Variants in POC1B observed in about 807,000 individuals in gnomAD.
POC1B encodes the protein POC1 centriolar protein B.
POC1B carries 44 observed loss-of-function variants against 60.6 expected under a neutral mutation model. The ratio of observed to expected loss-of-function variants is 0.73; its 90% CI spans 0.57 to 0.93. POC1B has a LOEUF of 0.93. Among genes scored for constraint, POC1B ranks in the 40% least tolerant of loss-of-function variants. The probability of loss-of-function intolerance (pLI) is 0.00; values close to 1 mark genes in which losing one functional copy is unlikely to be tolerated. For missense variants in POC1B, 555 were observed against 572.3 expected, an observed-to-expected ratio of 0.97 and a Z score of 0.31; for synonymous variants, 180 against 198.9, an observed-to-expected ratio of 0.90 and a Z score of 0.80.
At chr12:89,417,337 C>A (rs139688839), downstream of POC1B, among the ~76,000 whole-genome samples, 1 of 152,294 alleles carries the variant, frequency 6.6e-6, no homozygotes, top group African/African-American at 2.4e-5. Flanking sequence ...CAACTAATCT[C>A]CACCTAGAGA....
At chr12:89,407,089 C>A in the POC1B span, among the ~76,000 whole-genome samples, 8 of 123,866 alleles carry the variant, frequency 6.5e-5, no homozygotes, top group East Asian at 1.6e-3. Flanking sequence ...GTGGAGGTTG[C>A]AGTGAGCAGA....
chr12:89,525,072 C>T lies in POC1B; in HGVS notation c.100+48G>A, dbSNP rs75470544. The T allele has an allele frequency of 1.4e-3, 2,241 of 1,612,180 alleles. 23 individuals are homozygous for T. The African/African-American group carries it at 0.024, about 17-fold the overall frequency. On this transcript the variant is annotated intron_variant, in intron 2 of 11. Coordinates refer to ENST00000313546, the MANE Select transcript of POC1B (RefSeq NM_172240.3). ...CCGGACAGGAGGAAAGGTTTCCGGC[C>T]CATGGAGTTTAGTCTCATTACAAAA...
intron 9 of POC1B, 97 bp downstream of exon 9, chr12:89,466,673 T>A: frequency 8.4e-7 from 1 of 1,184,636 alleles, no homozygotes; most frequent in Non-Finnish European, 1.2e-6. Context: ...AAGGCAGCAC[T>A]AGGTTTTATA....
Position 89,467,638 on chromosome 12 carries a change from T to C in POC1B, c.858A>G (p.Ala286=), listed in dbSNP as rs150892634. The C allele has an allele frequency of 1.3e-4, 208 of 1,612,110 alleles. No individual in the cohort carries two copies. Among genetic ancestry groups the C allele is most frequent in the Non-Finnish European group, 1.1e-4 (135 of 1,178,768 alleles). Residue 286 remains alanine (A), a synonymous_variant, in exon 8 of 12, where the codon GCA becomes GCG. Transcript: ENST00000313546. ...AAACCTGTGTGTCTGCACCTCCTGA[T>C]GCAAATAGCTCTCCACCTTTTGAAA... is the stretch of plus-strand genomic sequence containing the variant. The part of the protein sequence containing the change: ...VSFSKGGELF[A]SGGADTQVLL...
chr12:89,503,736 TG>T (rs1869731281), intron 2 of POC1B, among the ~76,000 whole-genome samples: 1 of 126,900 alleles, frequency 7.9e-6, no homozygotes, highest in Admixed American at 7.6e-5. Context: ...CCGCCCCGTC[TG>T]AGAAGTGAGG....
chr12:89,454,788 C>G (rs1341572288), intron 10 of POC1B, among the ~76,000 whole-genome samples: 1 of 144,738 alleles, frequency 6.9e-6, no homozygotes, highest in East Asian at 1.9e-4. Context: ...TGAATTGCCT[C>G]TCTCTGACTG....
chr12:89,430,896 A>G (rs577180144), intron 10 of POC1B, among the ~76,000 whole-genome samples: 2 of 152,256 alleles, frequency 1.3e-5, no homozygotes, highest in East Asian at 1.9e-4. Flanking sequence ...TAGCAATTTG[A>G]TAGTATTTGA....
chr12:89,420,396 C>T lies in POC1B; in HGVS notation c.*757G>A, dbSNP rs1212622231. The T allele has an allele frequency of 6.6e-6, 1 of 152,100 alleles. No individual in the cohort carries two copies. Among genetic ancestry groups the T allele is most frequent in the African/African-American group, 2.4e-5 (1 of 41,418 alleles). 9.4% of individuals were successfully genotyped at this position (152,100 alleles called of 1,614,324 possible). ...CTCTGACTTTTTAGCATACTGAAAA[C>T]ACACTAACATAATTTTTGTGAACCA... On this transcript the variant is annotated 3_prime_UTR_variant, in exon 12 of 12. Transcript: ENST00000313546.
intron 9 of POC1B, among the ~76,000 whole-genome samples, chr12:89,464,835 T>C (rs1230265092): frequency 6.6e-6 from 1 of 150,870 alleles, no homozygotes; most frequent in African/African-American, 2.4e-5. Flanking sequence ...ATTACAACAA[T>C]TGGTTGTTCA....
chr12:89,471,588 G>T, intron 6 of POC1B, 26 bp downstream of exon 6: 1 of 1,552,886 alleles, frequency 6.4e-7, no homozygotes, highest in Non-Finnish European at 8.9e-7. Flanking sequence ...TTCGGTAACT[G>T]AATTTTTTGT....
At chr12:89,426,327 A>G (rs1304724903) in intron 10 of POC1B, 1 of 152,208 alleles carries the variant, frequency 6.6e-6, no homozygotes, top group African/African-American at 2.4e-5. Flanking sequence ...ATGGTTATAA[A>G]ACACTGAATA....
intron 2 of POC1B, among the ~76,000 whole-genome samples, chr12:89,517,927 G>A (rs917545673): frequency 1.3e-5 from 2 of 152,120 alleles, no homozygotes; most frequent in Non-Finnish European, 2.9e-5. Context: ...TTAGATAAAT[G>A]CAAATAGACA....
intron 11 of POC1B, among the ~76,000 whole-genome samples, chr12:89,422,985 C>T (rs61925091): frequency 0.049 from 7,417 of 152,182 alleles, 260 homozygotes; most frequent in Middle Eastern, 0.11. Context: ...TACTGAGTGC[C>T]TACTATGTGC....
At chr12:89,469,611 C>T (rs1882810858) in intron 7 of POC1B, among the ~76,000 whole-genome samples, 1 of 152,120 alleles carries the variant, frequency 6.6e-6, no homozygotes, top group South Asian at 2.1e-4. Context: ...TTAGGCTGTG[C>T]TTACCCAATT....
intron 10 of POC1B, among the ~76,000 whole-genome samples, chr12:89,447,742 C>G (rs1250075954): frequency 6.6e-6 from 1 of 151,902 alleles, no homozygotes; most frequent in African/African-American, 2.4e-5. Flanking sequence ...TATTATCAAC[C>G]TTTGAGAATG....
At chr12:89,464,098 C>T (rs1882583230) in intron 9 of POC1B, among the ~76,000 whole-genome samples, 1 of 152,034 alleles carries the variant, frequency 6.6e-6, no homozygotes. Context: ...ACTTAGATAC[C>T]ATTTATTCTA....
chr12:89,505,115 G>A lies in POC1B; in HGVS notation c.101-7773C>T, dbSNP rs573431700. Among the ~76,000 whole-genome samples, 29 of 152,130 alleles carry A rather than the reference G, an allele frequency of 1.9e-4. 1 individual carries two copies. The highest frequency in any genetic ancestry group is 5.5e-4 in the African/African-American group (23 of 41,508). On this transcript the variant is annotated intron_variant, in intron 2 of 11. Transcript: ENST00000313546. ...CAATTCCATTAGTCATCACGAAAAC[G>A]TAAATTAAAACCACAATGAGATATC...
At chr12:89,450,827 T>C (rs1882009339) in intron 10 of POC1B, among the ~76,000 whole-genome samples, 1 of 152,210 alleles carries the variant, frequency 6.6e-6, no homozygotes, top group Non-Finnish European at 1.5e-5. Context: ...GTATATCTTA[T>C]TATTTCTTTA....
At chr12:89,468,085 C>T (rs1882752485) in intron 7 of POC1B, among the ~76,000 whole-genome samples, 1 of 152,148 alleles carries the variant, frequency 6.6e-6, no homozygotes, top group Non-Finnish European at 1.5e-5. Context: ...ACATGAAGTC[C>T]ATTTCCTGAC....
Sources: allele counts gnomAD v4.1 joint callset (sites outside exome capture counted in the v4.1 genomes callset), GRCh38; gene constraint gnomAD v4.1.1; transcripts MANE v1.5; gene names NCBI Gene and HGNC (gene_info 2026-07-23, HGNC 2026-07-21).